Variants in RNF150 observed in about 807,000 individuals in gnomAD.
RNF150 encodes ring finger protein 150.
Under a neutral mutation model 39.3 loss-of-function variants are expected in RNF150, and 24 were observed. The ratio of observed to expected loss-of-function variants is 0.61; its 90% CI spans 0.44 to 0.86. The LOEUF is 0.86. Among genes scored for constraint, RNF150 ranks in the 40% least tolerant of loss-of-function variants. RNF150 has a pLI of 0.00. For missense variants in RNF150, 502 were observed against 587.8 expected (o/e 0.85, Z 1.51); for synonymous variants, 255 against 227.3 (o/e 1.12, Z -1.10).
At chr4:140,886,995 A>G (rs1729599632) in intron 6 of RNF150, among the ~76,000 whole-genome samples, 1 of 152,096 alleles carries the variant, frequency 6.6e-6, no homozygotes, top group African/African-American at 2.4e-5. Context: ...GGAATTGTTC[A>G]TTTTCCCCCA....
At chr4:141,048,290 G>T (rs1047502696) in intron 1 of RNF150, among the ~76,000 whole-genome samples, 9 of 152,284 alleles carry the variant, frequency 5.9e-5, no homozygotes, top group African/African-American at 1.2e-4. Context: ...CTAAAAGAAG[G>T]TGCTGTAAAG....
intron 1 of RNF150, among the ~76,000 whole-genome samples, chr4:141,059,736 CA>C (rs1258078192): frequency 6.6e-6 from 1 of 151,864 alleles, no homozygotes; most frequent in Non-Finnish European, 1.5e-5. Flanking sequence ...AATTTCATAA[CA>C]AAAAAGAAAC....
chr4:140,908,098 C>G (rs112407212), intron 6 of RNF150, among the ~76,000 whole-genome samples: 7 of 152,190 alleles, frequency 4.6e-5, no homozygotes, highest in African/African-American at 7.2e-5. Flanking sequence ...ACTACACTTA[C>G]GTGTATATCC....
chr4:140,964,696 A>G (rs1733165873), intron 2 of RNF150, among the ~76,000 whole-genome samples: 1 of 152,092 alleles, frequency 6.6e-6, no homozygotes, highest in Non-Finnish European at 1.5e-5. Context: ...ATTTCCCCTA[A>G]ATTATCCTAT....
chr4:141,185,742 G>A (rs1175663791), intron 1 of RNF150, among the ~76,000 whole-genome samples: 1 of 152,158 alleles, frequency 6.6e-6, no homozygotes, highest in African/African-American at 2.4e-5. Flanking sequence ...AGCATGAAGG[G>A]GTGTTGAATT....
intron 1 of RNF150, among the ~76,000 whole-genome samples, chr4:141,144,434 G>A (rs1358499452): frequency 1.3e-5 from 2 of 152,104 alleles, no homozygotes; most frequent in African/African-American, 2.4e-5. Context: ...CTATTTGCTC[G>A]CTTTGGAGTC....
At chr4:141,091,253 G>A (rs1738569709) in intron 1 of RNF150, among the ~76,000 whole-genome samples, 1 of 152,216 alleles carries the variant, frequency 6.6e-6, no homozygotes, top group Non-Finnish European at 1.5e-5. Context: ...TAGGACTGAT[G>A]TGAGGATTAA....
intron 1 of RNF150, among the ~76,000 whole-genome samples, chr4:141,011,557 A>C (rs1474042085): frequency 2.0e-5 from 3 of 152,264 alleles, no homozygotes; most frequent in Non-Finnish European, 4.4e-5. Flanking sequence ...ATAAACATTA[A>C]GGTCAAGTAT....
intron 1 of RNF150, among the ~76,000 whole-genome samples, chr4:141,140,763 A>T (rs548676311): frequency 8.4e-4 from 128 of 152,296 alleles, no homozygotes; most frequent in African/African-American, 3.0e-3. Flanking sequence ...AAAAGAGGGG[A>T]GAGAATCCAG....
At chr4:140,995,839 T>C (rs1017482790) in intron 1 of RNF150, among the ~76,000 whole-genome samples, 1 of 152,200 alleles carries the variant, frequency 6.6e-6, no homozygotes, top group Non-Finnish European at 1.5e-5. Context: ...AGTACTCCAT[T>C]GTGTATATGT....
At chr4:141,193,438 T>C (rs1021189916) in intron 1 of RNF150, among the ~76,000 whole-genome samples, 4 of 152,210 alleles carry the variant, frequency 2.6e-5, no homozygotes, top group South Asian at 2.1e-4. Context: ...TCTCTTGGGT[T>C]TTTACCTGTT....
chr4:140,946,167 C>T (rs1292714763), intron 4 of RNF150, among the ~76,000 whole-genome samples: 1 of 152,192 alleles, frequency 6.6e-6, no homozygotes, highest in Admixed American at 6.5e-5. Flanking sequence ...TCACAATTGA[C>T]GGCTTTGGCT....
At chr4:141,189,991 C>T (rs980618636) in intron 1 of RNF150, among the ~76,000 whole-genome samples, 3 of 152,068 alleles carry the variant, frequency 2.0e-5, no homozygotes, top group Non-Finnish European at 4.4e-5. Flanking sequence ...CAAACAGCTG[C>T]CTGGTTTTGT....
At chr4:141,049,507 G>C (rs953929336) in intron 1 of RNF150, among the ~76,000 whole-genome samples, 3 of 151,816 alleles carry the variant, frequency 2.0e-5, no homozygotes, top group African/African-American at 7.3e-5. Flanking sequence ...TAAACGGTTA[G>C]GAAATTTAAA....
chr4:141,157,057 A>G (rs746811698), intron 1 of RNF150, among the ~76,000 whole-genome samples: 43 of 152,182 alleles, frequency 2.8e-4, no homozygotes, highest in Non-Finnish European at 8.8e-5. Flanking sequence ...TTGTCCACTA[A>G]GTAGACATTT....
At position 141,116,009 on chromosome 4, in the gene RNF150, T is replaced by C. The variant is rs561284555; in HGVS notation, c.484+16316A>G. On this transcript the variant is annotated intron_variant, in intron 1 of 6. Coordinates refer to ENST00000515673, the MANE Select transcript of RNF150 (RefSeq NM_020724.2). ...AATTAACTCAAGATGGATTACAGAC[T>C]TTAACGTAAGACCTAAAACCATAAA... 1.4e-4 allele frequency among the ~76,000 whole-genome samples: 21 copies of C among 152,330 alleles called. No individual in the cohort carries two copies. In the South Asian group the frequency reaches 4.3e-3, roughly 32 times the overall value.
At chr4:141,100,415 T>C (rs574521178) in intron 1 of RNF150, among the ~76,000 whole-genome samples, 1 of 152,186 alleles carries the variant, frequency 6.6e-6, no homozygotes, top group East Asian at 1.9e-4. Context: ...TTCTACCACA[T>C]CCAAGTGACA....
chr4:140,922,857 C>T (rs1225140873), intron 5 of RNF150, among the ~76,000 whole-genome samples: 5 of 150,798 alleles, frequency 3.3e-5, no homozygotes, highest in Non-Finnish European at 5.9e-5. Flanking sequence ...CTGACAAAAA[C>T]CAGAAATGGG....
chr4:141,049,304 C>A (rs1736692596), intron 1 of RNF150, among the ~76,000 whole-genome samples: 2 of 148,418 alleles, frequency 1.3e-5, no homozygotes, highest in Admixed American at 6.7e-5. Flanking sequence ...TTGTAGAATC[C>A]AGAGATAAAA....
Sources: allele counts gnomAD v4.1 joint callset (sites outside exome capture counted in the v4.1 genomes callset), GRCh38; gene constraint gnomAD v4.1.1; transcripts MANE v1.5; gene names NCBI Gene and HGNC (gene_info 2026-07-23, HGNC 2026-07-21).